Variants in EVL observed in about 807,000 individuals in gnomAD.
EVL encodes the protein Enah/Vasp-like, also known as ena/VASP-like protein.
In EVL, 21 loss-of-function variants were observed where a neutral mutation model predicts 59.6. The observed-to-expected ratio is 0.35, with a 90% CI of 0.25 to 0.51. EVL has a LOEUF of 0.51. EVL is among the 20% of genes least tolerant of loss of function. EVL has a pLI of 0.97. For missense variants in EVL, 462 were observed against 546.6 expected, an observed-to-expected ratio of 0.85 and a Z score of 1.54; for synonymous variants, 198 against 203.5, an observed-to-expected ratio of 0.97 and a Z score of 0.23.
intron 2 of EVL, among the ~76,000 whole-genome samples, chr14:100,089,528 C>A (rs899812587): frequency 4.6e-5 from 7 of 152,168 alleles, no homozygotes; most frequent in Non-Finnish European, 8.8e-5. Flanking sequence ...ACTGGATGAA[C>A]CATGAGACAG....
chr14:100,033,834 A>T (rs903803298), intron 1 of EVL, among the ~76,000 whole-genome samples: 2 of 152,220 alleles, frequency 1.3e-5, no homozygotes, highest in Non-Finnish European at 2.9e-5. Context: ...ACCCAAGACC[A>T]TCAGACTCTG....
At chr14:100,027,561 G>C (rs1187559594) in intron 1 of EVL, among the ~76,000 whole-genome samples, 1 of 151,968 alleles carries the variant, frequency 6.6e-6, no homozygotes, top group African/African-American at 2.4e-5. Flanking sequence ...GTTTCATCTA[G>C]GTTGCTGCAA....
upstream of EVL, among the ~76,000 whole-genome samples, chr14:100,063,753 A>G (rs1218482297): frequency 6.6e-6 from 1 of 152,242 alleles, no homozygotes; most frequent in Non-Finnish European, 1.5e-5. Context: ...CAGTTTCAGA[A>G]TACACATTCT....
chr14:100,137,826 CAT>C, intron 11 of EVL, 24 bp downstream of exon 11: 1 of 1,612,536 alleles, frequency 6.2e-7, no homozygotes, highest in East Asian at 2.2e-5. Flanking sequence ...CTCCTGCTCA[CAT>C]GTCCCCCAGG....
At chr14:100,137,467 C>T (rs1888872224) in intron 9 of EVL, 111 bp from the exon 10 acceptor site, 1 of 1,147,246 alleles carries the variant, frequency 8.7e-7, no homozygotes, top group Admixed American at 1.7e-5. Flanking sequence ...TGCCACGGGG[C>T]TCTGCACCCT....
chr14:100,136,083 C>T lies in EVL; in HGVS notation c.964+115C>T, dbSNP rs1323881113. The T allele has an allele frequency of 5.0e-6, 6 of 1,192,602 alleles. No homozygotes were observed. The African/African-American group carries it at 9.1e-5, about 18-fold the overall frequency. 73.9% of individuals were successfully genotyped at this position (1,192,602 alleles called of 1,614,324 possible). A position where few individuals can be genotyped will look rare whatever the true frequency, so the allele number is the denominator to read the frequency against. ...TCTTTAGTATGCCTGAGCAGAGGGCCAGGCCACAGGGAAGCCCATTTCTTA... is the reference window on the plus strand; with the variant it reads ...TCTTTAGTATGCCTGAGCAGAGGGCTAGGCCACAGGGAAGCCCATTTCTTA... On this transcript the variant is annotated intron_variant, in intron 9 of 13. Coordinates refer to ENST00000392920, the MANE Select transcript of EVL (RefSeq NM_016337.3).
chr14:100,141,361 G>A (rs898214539), intron 12 of EVL, 115 bp downstream of exon 12: 24 of 1,127,004 alleles, frequency 2.1e-5, no homozygotes, highest in Non-Finnish European at 2.6e-5. Flanking sequence ...GCTGCCAAAA[G>A]GCCAGTCAGG....
At position 100,047,116 on chromosome 14, in the gene EVL, CTCTT is replaced by C. The variant is rs1442439546; in HGVS notation, c.6-37569_6-37566del. Among the ~76,000 whole-genome samples the C allele has an allele frequency of 2.6e-3, 75 of 28,454 alleles. 2 individuals are homozygous for C. Among genetic ancestry groups the C allele is most frequent in the East Asian group, 0.026 (48 of 1,854 alleles). 18.7% of individuals were successfully genotyped at this position (28,454 alleles called of 152,430 possible). A position where few individuals can be genotyped will look rare whatever the true frequency, so the allele number is the denominator to read the frequency against. On this transcript the variant is annotated intron_variant, in intron 1 of 13. Coordinates refer to the EVL transcript ENST00000402714. The stretch of plus-strand genomic sequence containing the variant: ...TTTGAGACCTTGGGCAGATCTCTCT[CTCTT>C]TTTTTTTTTTTTTTTTTTTTTTTTT...
intron 1 of EVL, among the ~76,000 whole-genome samples, chr14:99,998,313 C>T (rs960144489): frequency 1.2e-4 from 19 of 152,190 alleles, no homozygotes; most frequent in East Asian, 5.8e-4. Flanking sequence ...CCCTGCACTC[C>T]GCACAACAAA....
intron 9 of EVL, among the ~76,000 whole-genome samples, chr14:100,136,289 G>A (rs1888782898): frequency 6.6e-6 from 1 of 152,220 alleles, no homozygotes; most frequent in Non-Finnish European, 1.5e-5. Flanking sequence ...TGTGTCCAGG[G>A]CTCCTGAGGC....
intron 11 of EVL, chr14:100,138,069 G>A (rs749178218): frequency 7.0e-6 from 4 of 571,692 alleles, no homozygotes; most frequent in South Asian, 2.1e-5. Context: ...TGGAGTCCCA[G>A]CTCTGGACTC....
chr14:100,005,545 AT>A (rs1375902142), intron 1 of EVL, among the ~76,000 whole-genome samples: 3 of 151,794 alleles, frequency 2.0e-5, no homozygotes, highest in African/African-American at 7.3e-5. Flanking sequence ...AGAAAACAGA[AT>A]TCAATCAACT....
chr14:100,099,789 A>G (rs1566692995), intron 3 of EVL, among the ~76,000 whole-genome samples: 2 of 150,410 alleles, frequency 1.3e-5, no homozygotes, highest in Non-Finnish European at 3.0e-5. Context: ...TGGCCAGGAT[A>G]GTCTTGATCT....
rs199880719 is a variant in EVL at position 100,143,687 on chromosome 14, C to T, written c.1220-14C>T. ...GTCATGGCTGCACCTGAGCCGCCGCCACCTGTCCCGCAGCCATCAGGCAGG... is the reference window on the plus strand; with the variant it reads ...GTCATGGCTGCACCTGAGCCGCCGCTACCTGTCCCGCAGCCATCAGGCAGG... On this transcript the variant is annotated splice_polypyrimidine_tract_variant and intron_variant, in intron 13 of 13. Coordinates refer to ENST00000392920, the MANE Select transcript of EVL (RefSeq NM_016337.3). 4.0e-4 allele frequency: 646 copies of T among 1,611,794 alleles called. 4 individuals are homozygous for T. The African/African-American group carries it at 8.0e-3, about 20-fold the overall frequency.
intron 3 of EVL, among the ~76,000 whole-genome samples, chr14:100,111,148 ATTTTTT>A (rs35367426): frequency 1.4e-4 from 12 of 86,806 alleles, no homozygotes; most frequent in South Asian, 8.5e-4. Flanking sequence ...TAGTGTCCTC[ATTTTTT>A]TTTTTTTTTT....
intron 11 of EVL, chr14:100,140,465 G>C (rs960381519): frequency 7.0e-6 from 1 of 143,648 alleles, no homozygotes; most frequent in African/African-American, 2.5e-5. Flanking sequence ...ACAAAAGTTA[G>C]CTGAAAATAC....
rs2060741468 is a variant in EVL at position 99,972,552 on chromosome 14, C to T, written c.5+495C>T. On this transcript the variant is annotated intron_variant, in intron 1 of 13. Coordinates refer to the EVL transcript ENST00000402714. This position sits in a 1 kb window ranked among gnomAD's most constrained non-coding sequence, Gnocchi z 4.4. ...TTTGGGCTTTTACAGGTGTAGTTTC[C>T]CCTCGACTTGGAGCCCGTCAACCCC... Among the ~76,000 whole-genome samples the T allele has an allele frequency of 6.6e-6, 1 of 152,190 alleles. No individual in the cohort carries two copies. Among genetic ancestry groups the T allele is most frequent in the Non-Finnish European group, 1.5e-5 (1 of 68,028 alleles).
At chr14:100,025,804 C>T (rs1233170388) in intron 1 of EVL, among the ~76,000 whole-genome samples, 10 of 152,048 alleles carry the variant, frequency 6.6e-5, no homozygotes, top group East Asian at 1.9e-4. Flanking sequence ...GGCATAGTGG[C>T]GCATGCCTGT....
rs751533422 is a variant in EVL at position 99,994,112 on chromosome 14, C to CTT, written c.5+22080_5+22081dup. On this transcript the variant is annotated intron_variant, in intron 1 of 13. Transcript: ENST00000402714. ...TGAGCCACTACACCCAGCCTTTTGG[C>CTT]TTTTTTTTTTTTTTTTTTTTTTTTT... Among the ~76,000 whole-genome samples, 495 of 55,124 alleles carry CTT rather than the reference C, an allele frequency of 9.0e-3. 24 individuals carry two copies. The highest frequency in any genetic ancestry group is 0.037 in the African/African-American group (419 of 11,266). 36.2% of individuals were successfully genotyped at this position (55,124 alleles called of 152,430 possible). A position where few individuals can be genotyped will look rare whatever the true frequency, so the allele number is the denominator to read the frequency against.
Sources: allele counts gnomAD v4.1 joint callset (sites outside exome capture counted in the v4.1 genomes callset), GRCh38; gene constraint gnomAD v4.1.1; non-coding constraint Gnocchi (gnomAD v3.1); transcripts MANE v1.5; gene names NCBI Gene and HGNC (gene_info 2026-07-23, HGNC 2026-07-21).